The following HERC1 variants were observed in gnomAD, a reference collection of about 807,000 sequenced individuals.
The protein encoded by HERC1 is HECT and RLD domain containing E3 ubiquitin protein ligase family member 1.
In HERC1, 160 loss-of-function variants were observed where a neutral mutation model predicts 554.3. That is an observed-to-expected ratio of 0.29 (90% CI 0.25 to 0.33). The LOEUF (loss-of-function observed/expected upper bound fraction) is 0.33. Among genes scored for constraint, HERC1 ranks in the 10% least tolerant of loss-of-function variants. The pLI is 1.00. For missense variants in HERC1, 4,919 were observed against 5,918.5 expected, an observed-to-expected ratio of 0.83 and a Z score of 5.54; for synonymous variants, 2,175 against 2,131.7, an observed-to-expected ratio of 1.02 and a Z score of -0.56.
At chr15:63,628,059 G>A (rs543607354) in intron 70 of HERC1, among the ~76,000 whole-genome samples, 1 of 152,256 alleles carries the variant, frequency 6.6e-6, no homozygotes, top group Non-Finnish European at 1.5e-5. Context: ...TTCTAACAGT[G>A]GGCCTTAGAA....
intron 61 of HERC1, among the ~76,000 whole-genome samples, chr15:63,639,002 G>A (rs968715970): frequency 9.9e-5 from 15 of 152,106 alleles, no homozygotes; most frequent in African/African-American, 3.6e-4. Context: ...TATGGCATTG[G>A]TGATTCAAAG....
At position 63,680,266 on chromosome 15, in the gene HERC1, G is replaced by T; in HGVS notation, c.6466-106C>A. On this transcript the variant is annotated intron_variant, in intron 35 of 77. Transcript: ENST00000443617. This position sits in a 1 kb window ranked among gnomAD's most constrained non-coding sequence, Gnocchi z 5.8. Reference sequence around the variant, plus strand: ...AAAGCTTTTATGAGACAGAACAAAAGTTACTAGATCAAATTCTCAATTAAC... The same window carrying T: ...AAAGCTTTTATGAGACAGAACAAAATTTACTAGATCAAATTCTCAATTAAC... 1 of 857,728 alleles carries T rather than the reference G, an allele frequency of 1.2e-6. No individual in the cohort carries two copies. Among genetic ancestry groups the T allele is most frequent in the South Asian group, 1.7e-5 (1 of 59,242 alleles). 53.1% of individuals were successfully genotyped at this position (857,728 alleles called of 1,614,324 possible). A position where few individuals can be genotyped will look rare whatever the true frequency, so the allele number is the denominator to read the frequency against.
At position 63,774,356 on chromosome 15, in the gene HERC1, G is replaced by GT. The variant is rs1056556168; in HGVS notation, c.930+337dup. Among the ~76,000 whole-genome samples the GT allele has an allele frequency of 5.3e-5, 8 of 151,558 alleles. No homozygotes were observed. In the East Asian group the frequency reaches 9.7e-4, roughly 18 times the overall value. The stretch of plus-strand genomic sequence containing the variant: ...AAATTGGGAAATATGAAAATAAGAG[G>GT]TTTTTTTTTCTAAAGACCTGCTGAT... On this transcript the variant is annotated intron_variant, in intron 2 of 77. Transcript: ENST00000443617.
chr15:63,685,267 CAACTT>C (rs1453636010), intron 34 of HERC1, among the ~76,000 whole-genome samples: 3 of 152,240 alleles, frequency 2.0e-5, no homozygotes, highest in Non-Finnish European at 2.9e-5. Flanking sequence ...AACCAAGACT[CAACTT>C]AATTATTCAG....
At chr15:63,827,440 G>T (rs181859827) in intron 1 of HERC1, among the ~76,000 whole-genome samples, 1 of 151,382 alleles carries the variant, frequency 6.6e-6, no homozygotes, top group Non-Finnish European at 1.5e-5. Flanking sequence ...AAAAAAGACC[G>T]AAGAAAATGA....
Position 63,678,254 on chromosome 15 carries a change from G to C in HERC1, c.6661C>G (p.Arg2221Gly). 6.2e-7 allele frequency: 1 copy of C among 1,613,592 alleles called. No individual in the cohort carries two copies. The highest frequency in any genetic ancestry group is 8.5e-7 in the Non-Finnish European group (1 of 1,179,778). The stretch of plus-strand genomic sequence containing the variant: ...CAACGGTCTGTTCGGTGAAGGATAC[G>C]GATGAGCTGAATAGTGGCCTCAGCC... ...VLAEATIQLI[R>G]ILHRTDRWTY... The change falls in exon 37 of 78, where the codon CGT (arginine) becomes GGT (glycine). Residue 2221 changes from arginine (R) to glycine (G), a missense_variant. By Grantham distance (125) the Arg-to-Gly change is moderately radical. Coordinates refer to ENST00000443617, the MANE Select transcript of HERC1 (RefSeq NM_003922.4).
At chr15:63,712,638 A>T in intron 24 of HERC1, 137 bp downstream of exon 24, 1 of 632,966 alleles carries the variant, frequency 1.6e-6, no homozygotes, top group Non-Finnish European at 2.6e-6. Flanking sequence ...TATGCAATAT[A>T]GTTATTTCTC....
intron 1 of HERC1, among the ~76,000 whole-genome samples, chr15:63,807,025 C>T (rs2077160530): frequency 6.6e-6 from 1 of 152,230 alleles, no homozygotes; most frequent in Admixed American, 6.5e-5. Context: ...GGATTACAGG[C>T]ATGAGCCACC....
intron 12 of HERC1, among the ~76,000 whole-genome samples, chr15:63,739,910 A>AT (rs1378218771): frequency 6.6e-6 from 1 of 150,948 alleles, no homozygotes; most frequent in East Asian, 2.0e-4. Context: ...CACTTAGCAT[A>AT]TTTTATTTTT....
At chr15:63,696,897 C>T (rs897658286) in intron 26 of HERC1, among the ~76,000 whole-genome samples, 1 of 150,828 alleles carries the variant, frequency 6.6e-6, no homozygotes, top group Non-Finnish European at 1.5e-5. Flanking sequence ...GAAGACACTC[C>T]CCATCACTGT....
Position 63,727,888 on chromosome 15 carries a change from T to A in HERC1, c.3155-50A>T. ...TGGGACAATTGCTTCAAATGAACTTTAAAAAAAGGAACCTAATAAATATTA... is the reference window on the plus strand; with the variant it reads ...TGGGACAATTGCTTCAAATGAACTTAAAAAAAAGGAACCTAATAAATATTA... On this transcript the variant is annotated intron_variant, in intron 16 of 77. Coordinates refer to ENST00000443617, the MANE Select transcript of HERC1 (RefSeq NM_003922.4). The surrounding 1 kb of genome is among the most constrained non-coding windows in gnomAD (Gnocchi z 4.3). 1 of 1,436,852 alleles carries A rather than the reference T, an allele frequency of 7.0e-7. No homozygotes were observed. The highest frequency in any genetic ancestry group is 1.8e-4 in the Middle Eastern group (1 of 5,470). 89.0% of individuals were successfully genotyped at this position (1,436,852 alleles called of 1,614,324 possible).
At chr15:63,735,553 AAAG>A (rs1332995460) in intron 12 of HERC1, among the ~76,000 whole-genome samples, 1 of 152,146 alleles carries the variant, frequency 6.6e-6, no homozygotes, top group Non-Finnish European at 1.5e-5. Context: ...AAAAAAAAAA[AAAG>A]AATTACAGAA....
intron 12 of HERC1, among the ~76,000 whole-genome samples, chr15:63,739,816 C>T (rs925043286): frequency 6.6e-6 from 1 of 152,068 alleles, no homozygotes; most frequent in South Asian, 2.1e-4. Context: ...CCAGCTTGGG[C>T]GACAGAGCAA....
Position 63,756,370 on chromosome 15 carries a change from G to C in HERC1, c.1533+67C>G. On this transcript the variant is annotated intron_variant, in intron 5 of 77. Coordinates refer to ENST00000443617, the MANE Select transcript of HERC1 (RefSeq NM_003922.4). The surrounding 1 kb of genome is among the most constrained non-coding windows in gnomAD (Gnocchi z 5.0). ...CTGCAGAAAGAACACATCAAAATCT[G>C]AACGACATTGTCAATTACAACTCCA... 1 of 1,333,006 alleles carries C rather than the reference G, an allele frequency of 7.5e-7. No individual in the cohort carries two copies. The highest frequency in any genetic ancestry group is 1.0e-6 in the Non-Finnish European group (1 of 958,082). The allele number at this position is 1,333,006 out of a possible 1,614,324, so 82.6% of individuals were successfully genotyped here.
At chr15:63,630,672 T>G (rs1443686478) in intron 68 of HERC1, 37 bp from the exon 69 acceptor site, 21 of 1,589,486 alleles carry the variant, frequency 1.3e-5, no homozygotes, top group Admixed American at 1.7e-5. Context: ...GGAAATGTTA[T>G]GCACCACACA....
intron 67 of HERC1, among the ~76,000 whole-genome samples, chr15:63,633,613 T>G (rs1566957206): frequency 1.3e-5 from 2 of 152,204 alleles, no homozygotes; most frequent in South Asian, 2.1e-4. Context: ...AAACCCATTT[T>G]TGGAGACAGA....
intron 1 of HERC1, among the ~76,000 whole-genome samples, chr15:63,781,994 A>G (rs1403666832): frequency 1.3e-5 from 2 of 152,222 alleles, no homozygotes; most frequent in Non-Finnish European, 2.9e-5. Context: ...GAGAGAGGTA[A>G]GGAAAATGCA....
At chr15:63,609,715 C>A (rs937208733) in intron 77 of HERC1, among the ~76,000 whole-genome samples, 3 of 152,148 alleles carry the variant, frequency 2.0e-5, no homozygotes, top group African/African-American at 7.2e-5. Flanking sequence ...ATGGGAGCCT[C>A]TTTGCCCCCT....
At chr15:63,815,843 A>G (rs1407325783) in intron 1 of HERC1, among the ~76,000 whole-genome samples, 2 of 152,228 alleles carry the variant, frequency 1.3e-5, no homozygotes, top group Non-Finnish European at 2.9e-5. Flanking sequence ...CAGAAAACTT[A>G]CAATCATGGC....
Sources: gnomAD v4.1 joint callset for allele counts (sites outside exome capture counted in the v4.1 genomes callset) on GRCh38, gnomAD v4.1.1 for gene constraint, Gnocchi (gnomAD v3.1) non-coding constraint, MANE v1.5 for transcripts, NCBI Gene and HGNC (gene_info 2026-07-23, HGNC 2026-07-21) for gene names.